The following ABCC1 variants were observed in gnomAD, a reference collection of about 807,000 sequenced individuals.
ABCC1 encodes the protein multidrug resistance-associated protein 1.
ABCC1 carries 83 observed loss-of-function variants against 172.9 expected under a neutral mutation model. The ratio of observed to expected loss-of-function variants is 0.48; its 90% CI spans 0.40 to 0.58. The LOEUF (loss-of-function observed/expected upper bound fraction) is 0.58. ABCC1 is among the 20% of genes least tolerant of loss of function. The pLI, the probability that ABCC1 is intolerant of heterozygous loss-of-function variation, is 0.00. For missense variants in ABCC1, 1,817 were observed against 2,002.7 expected (o/e 0.91, Z 1.77); for synonymous variants, 937 against 825.2 (o/e 1.14, Z -2.32).
chr16:16,065,275 G>T (rs960682295), intron 12 of ABCC1, among the ~76,000 whole-genome samples: 2 of 152,114 alleles, frequency 1.3e-5, no homozygotes, highest in South Asian at 2.1e-4. Flanking sequence ...AAAATTACTT[G>T]TTTAGAGATG....
chr16:16,014,945 C>T (rs551800637), intron 4 of ABCC1, among the ~76,000 whole-genome samples: 41 of 152,240 alleles, frequency 2.7e-4, no homozygotes, highest in Admixed American at 2.2e-3. Context: ...GCAAGACAGG[C>T]GGCTCCAAAT....
At position 16,079,405 on chromosome 16, in the gene ABCC1, G is replaced by T. The variant is rs1567380029; in HGVS notation, c.2042G>T (p.Gly681Val). The T allele has an allele frequency of 1.9e-6, 3 of 1,614,032 alleles. No homozygotes were observed. The highest frequency in any genetic ancestry group is 1.7e-6 in the Non-Finnish European group (2 of 1,179,914). ...GALVAVVGQVGCGKSSLLSAL... is the reference protein window; with the variant it reads ...GALVAVVGQVVCGKSSLLSAL... The stretch of plus-strand genomic sequence containing the variant: ...TTGGTGGCCGTGGTGGGCCAGGTGG[G>T]CTGCGGAAAGTCGTCCCTGCTCTCA... Residue 681 changes from glycine (G) to valine (V), a missense_variant, in exon 16 of 31, where the codon GGC becomes GTC. Physicochemically the swap from Gly to Val is moderately radical, Grantham distance 109. Coordinates refer to ENST00000399410, the MANE Select transcript of ABCC1 (RefSeq NM_004996.4).
chr16:16,040,026 C>A (rs914476963), intron 7 of ABCC1, among the ~76,000 whole-genome samples: 2 of 151,878 alleles, frequency 1.3e-5, no homozygotes, highest in African/African-American at 4.8e-5. Context: ...TTCTGCAGGG[C>A]AGTGGTGTGA....
At chr16:15,966,952 A>T (rs2046256733) in intron 1 of ABCC1, among the ~76,000 whole-genome samples, 1 of 152,208 alleles carries the variant, frequency 6.6e-6, no homozygotes, top group South Asian at 2.1e-4. Context: ...AAGTGCTGGG[A>T]TTACAGGTGG....
intron 1 of ABCC1, among the ~76,000 whole-genome samples, chr16:15,989,402 C>CTT (rs1220462769): frequency 6.6e-6 from 1 of 152,168 alleles, no homozygotes; most frequent in Non-Finnish European, 1.5e-5. Flanking sequence ...GGCTGGGAGA[C>CTT]TTTAGCCTTT....
intron 13 of ABCC1, among the ~76,000 whole-genome samples, chr16:16,070,501 A>G (rs1383539181): frequency 6.6e-6 from 1 of 152,098 alleles, no homozygotes; most frequent in Non-Finnish European, 1.5e-5. Context: ...TGTCTCTGCT[A>G]AAAATATAAA....
At chr16:15,992,160 CTGA>C (rs751921105) in intron 1 of ABCC1, among the ~76,000 whole-genome samples, 10 of 151,518 alleles carry the variant, frequency 6.6e-5, no homozygotes, top group Non-Finnish European at 1.3e-4. Flanking sequence ...AATGCAATGC[CTGA>C]TGATCTATCA....
intron 29 of ABCC1, among the ~76,000 whole-genome samples, chr16:16,138,042 G>GA (rs1567447401): frequency 1.3e-5 from 2 of 151,760 alleles, no homozygotes; most frequent in African/African-American, 4.8e-5. Context: ...TTTTTGGAGA[G>GA]ATGGGGGTCT....
intron 10 of ABCC1, among the ~76,000 whole-genome samples, chr16:16,049,765 C>T (rs1178939720): frequency 6.6e-6 from 1 of 152,130 alleles, no homozygotes; most frequent in Non-Finnish European, 1.5e-5. Context: ...CTCGCTGCAA[C>T]CTCTGCCTCC....
chr16:16,033,287 A>T, intron 6 of ABCC1, 117 bp downstream of exon 6: 1 of 1,042,684 alleles, frequency 9.6e-7, no homozygotes, highest in Non-Finnish European at 1.5e-6. Context: ...GCTCTTCTGC[A>T]GAGTTGTCTT....
chr16:16,007,918 C>G lies in ABCC1; in HGVS notation c.151C>G (p.Pro51Ala). Residue 51 changes from proline to alanine, a missense_variant, in exon 2 of 31, where the codon CCC (proline) becomes GCC (alanine). This residue lies in a region of ABCC1 where 398 missense variants were observed against 384.2 expected (regional missense o/e 1.04). Transcript: ENST00000399410. ...VPCFYLWACF[P>A]FYFLYLSRHD... The stretch of plus-strand genomic sequence containing the variant: ...TTGTTTTTACCTCTGGGCCTGTTTC[C>G]CCTTCTACTTCCTCTATCTCTCCCG... The G allele has an allele frequency of 6.2e-7, 1 of 1,612,900 alleles. No homozygotes were observed. Among genetic ancestry groups the G allele is most frequent in the Non-Finnish European group, 8.5e-7 (1 of 1,179,730 alleles).
intron 12 of ABCC1, among the ~76,000 whole-genome samples, chr16:16,063,630 G>C (rs749049352): frequency 6.6e-6 from 1 of 152,136 alleles, no homozygotes; most frequent in African/African-American, 2.4e-5. Context: ...AAAAAGTCTA[G>C]AAAAAGACTT....
chr16:16,082,772 C>T (rs1360090340), intron 16 of ABCC1, among the ~76,000 whole-genome samples: 9 of 152,158 alleles, frequency 5.9e-5, no homozygotes, highest in Admixed American at 3.3e-4. Flanking sequence ...CTCAGCCTCC[C>T]AAGTAGCTGG....
Position 16,048,276 on chromosome 16 carries a change from C to T in ABCC1, c.1353C>T (p.Val451=). The T allele has an allele frequency of 6.2e-7, 1 of 1,614,148 alleles. No individual in the cohort carries two copies. Among genetic ancestry groups the T allele is most frequent in the South Asian group, 1.1e-5 (1 of 91,084 alleles). The change falls in exon 10 of 31, where the codon GTC becomes GTT. Residue 451 remains valine, a synonymous_variant. Coordinates refer to ENST00000399410, the MANE Select transcript of ABCC1 (RefSeq NM_004996.4). The part of the protein sequence containing the change: ...INMIWSAPLQ[V]ILALYLLWLN... ...TGATCTGGTCAGCCCCCCTGCAAGT[C>T]ATCCTTGCTCTCTACCTCCTGTGGC...
chr16:16,050,498 T>G (rs897248242), intron 10 of ABCC1, among the ~76,000 whole-genome samples: 4 of 147,646 alleles, frequency 2.7e-5, no homozygotes, highest in African/African-American at 5.3e-5. Flanking sequence ...TACTGGTTTA[T>G]TTGGCTGTAG....
intron 12 of ABCC1, among the ~76,000 whole-genome samples, chr16:16,064,419 G>A (rs1012286010): frequency 2.0e-5 from 3 of 152,158 alleles, no homozygotes; most frequent in Non-Finnish European, 2.9e-5. Context: ...AGTCCCCAGC[G>A]CATGATGGGT....
intron 5 of ABCC1, among the ~76,000 whole-genome samples, chr16:16,032,784 T>C (rs999355033): frequency 1.3e-5 from 2 of 152,174 alleles, no homozygotes; most frequent in African/African-American, 4.8e-5. Flanking sequence ...AAAATATTTG[T>C]TGAATGAATG....
intron 19 of ABCC1, among the ~76,000 whole-genome samples, chr16:16,095,785 C>T (rs988020604): frequency 6.6e-6 from 1 of 152,112 alleles, no homozygotes; most frequent in South Asian, 2.1e-4. Flanking sequence ...CTTGACCTCC[C>T]AAAATGCAAA....
chr16:16,118,788 A>G (rs1486090209), intron 23 of ABCC1, among the ~76,000 whole-genome samples: 1 of 151,172 alleles, frequency 6.6e-6, no homozygotes, highest in Non-Finnish European at 1.5e-5. Flanking sequence ...TCGTCTTTTT[A>G]AGGGTTGAGA....
Sources: allele counts gnomAD v4.1 joint callset (sites outside exome capture counted in the v4.1 genomes callset), GRCh38; gene constraint gnomAD v4.1.1; regional missense constraint gnomAD v4.1.1; transcripts MANE v1.5; gene names NCBI Gene and HGNC (gene_info 2026-07-23, HGNC 2026-07-21).